Variants in COMMD6 observed in about 807,000 individuals in gnomAD.
The protein encoded by COMMD6 is COMM domain containing 6.
COMMD6 carries 11 observed loss-of-function variants against 13.4 expected under a neutral mutation model. That is an observed-to-expected ratio of 0.82 (90% CI 0.52 to 1.36). The LOEUF (loss-of-function observed/expected upper bound fraction) is 1.36, where lower values mean the gene tolerates loss of function less well. COMMD6 is among the 40% of genes most tolerant of loss of function. The pLI, the probability that COMMD6 is intolerant of heterozygous loss-of-function variation, is 0.00. For missense variants in COMMD6, 124 were observed against 102.4 expected (o/e 1.21, Z -0.91); for synonymous variants, 43 against 36.5 (o/e 1.18, Z -0.64).
At chr13:75,537,968 T>A (rs1051794245), upstream of COMMD6, 2 of 624,066 alleles carry the variant, frequency 3.2e-6, no homozygotes, top group Admixed American at 3.2e-5. Context: ...TAATTCAACA[T>A]ATATCTTAGG....
chr13:75,540,350 A>ACACACC (rs1418733336), upstream of COMMD6, among the ~76,000 whole-genome samples: 4 of 150,212 alleles, frequency 2.7e-5, no homozygotes, highest in Admixed American at 6.6e-5. Context: ...ACACCCACAC[A>ACACACC]CACACACACA....
chr13:75,542,805 A>G (rs894847988), upstream of COMMD6, among the ~76,000 whole-genome samples: 2 of 152,212 alleles, frequency 1.3e-5, no homozygotes, highest in African/African-American at 2.4e-5. Context: ...TGTTAGAGTG[A>G]TAGATTCCAT....
chr13:75,532,564 G>C (rs1023609859), intron 2 of COMMD6, among the ~76,000 whole-genome samples: 1 of 152,204 alleles, frequency 6.6e-6, no homozygotes, highest in Non-Finnish European at 1.5e-5. Flanking sequence ...GGGTGCGGTG[G>C]CTCACGCCTG....
chr13:75,537,540 G>A (rs2030715709), intron 2 of COMMD6, 124 bp downstream of exon 2: 1 of 1,592,624 alleles, frequency 6.3e-7, no homozygotes, highest in Non-Finnish European at 8.6e-7. Context: ...AAGAGGGACG[G>A]CTGAAGGTCA....
chr13:75,544,760 GAAATA>G (rs543689245), intron 1 of COMMD6, among the ~76,000 whole-genome samples: 5 of 151,312 alleles, frequency 3.3e-5, no homozygotes, highest in East Asian at 1.9e-4. Context: ...CTTTGTCTCA[GAAATA>G]AAATAAAATA....
Position 75,525,886 on chromosome 13 carries a change from G to A in COMMD6, c.*703C>T, listed in dbSNP as rs1489896921. The A allele has an allele frequency of 2.6e-5, 4 of 152,312 alleles. No homozygotes were observed. In the East Asian group the frequency reaches 7.7e-4, roughly 29 times the overall value. 9.4% of individuals were successfully genotyped at this position (152,312 alleles called of 1,614,324 possible). A position where few individuals can be genotyped will look rare whatever the true frequency, so the allele number is the denominator to read the frequency against. ...TATAGTATAAAAGCGTTTAACAACA[G>A]GTTTATGTATTTAAATTCAACAGAG... On this transcript the variant is annotated 3_prime_UTR_variant, in exon 4 of 4. Coordinates refer to ENST00000682242, the MANE Select transcript of COMMD6 (RefSeq NM_203495.4).
upstream of COMMD6, among the ~76,000 whole-genome samples, chr13:75,538,226 G>C (rs533982317): frequency 1.3e-5 from 2 of 152,206 alleles, no homozygotes; most frequent in Non-Finnish European, 2.9e-5. Flanking sequence ...GCAAGGGAAG[G>C]CTGTGGGAAC....
intron 2 of COMMD6, among the ~76,000 whole-genome samples, chr13:75,531,070 C>T (rs2030462796): frequency 6.6e-6 from 1 of 152,186 alleles, no homozygotes; most frequent in South Asian, 2.1e-4. Flanking sequence ...ATAGCAGCCA[C>T]TCAAAAAGTA....
chr13:75,533,925 T>A (rs1421328295), intron 2 of COMMD6, among the ~76,000 whole-genome samples: 1 of 152,112 alleles, frequency 6.6e-6, no homozygotes, highest in Non-Finnish European at 1.5e-5. Context: ...AGAGTTTTAA[T>A]TCCAGTTCAA....
intron 2 of COMMD6, 81 bp downstream of exon 2, chr13:75,537,583 G>T: frequency 1.1e-5 from 17 of 1,606,482 alleles, no homozygotes; most frequent in Non-Finnish European, 1.4e-5. Context: ...GGGGAGACCT[G>T]GGGAAGGCTC....
intron 2 of COMMD6, among the ~76,000 whole-genome samples, chr13:75,531,014 C>T (rs181324502): frequency 4.4e-4 from 67 of 152,316 alleles, no homozygotes; most frequent in African/African-American, 1.5e-3. Context: ...ACATAAAACA[C>T]AGGGGTAAAT....
chr13:75,530,333 A>G lies in COMMD6; in HGVS notation c.55-67T>C. 3.1e-6 allele frequency: 4 copies of G among 1,304,478 alleles called. No homozygotes were observed. The Admixed American group carries it at 6.3e-5, about 20-fold the overall frequency. The allele number at this position is 1,304,478 out of a possible 1,614,324, so 80.8% of individuals were successfully genotyped here. On this transcript the variant is annotated intron_variant, in intron 2 of 3. Transcript: ENST00000682242. Reference sequence around the variant, plus strand: ...TACCTGGAATGCAGATATTTATTCAATTTTACTGCAGTTACACTCAACTTT... The same window carrying G: ...TACCTGGAATGCAGATATTTATTCAGTTTTACTGCAGTTACACTCAACTTT...
chr13:75,533,840 G>A (rs549844126), intron 2 of COMMD6, among the ~76,000 whole-genome samples: 2 of 152,296 alleles, frequency 1.3e-5, no homozygotes, highest in South Asian at 4.1e-4. Context: ...GATGATACTA[G>A]GGTTATCTCT....
intron 3 of COMMD6, 51 bp from the exon 4 acceptor site, chr13:75,526,690 A>G (rs1454548032): frequency 7.7e-7 from 1 of 1,298,550 alleles, no homozygotes; most frequent in Non-Finnish European, 1.1e-6. Flanking sequence ...GAAGATATTT[A>G]AGTAGTTATT....
exon 1 of COMMD6, chr13:75,549,397 C>T (rs1466495690): frequency 5.2e-6 from 1 of 192,578 alleles, no homozygotes; most frequent in Non-Finnish European, 1.1e-5. Flanking sequence ...GAATAGGACT[C>T]CGCGGCACGC....
intron 1 of COMMD6, among the ~76,000 whole-genome samples, chr13:75,545,598 G>C (rs551883281): frequency 6.6e-6 from 1 of 151,764 alleles, no homozygotes; most frequent in African/African-American, 2.4e-5. Context: ...TCAGGCTCCC[G>C]AGTAATGGGA....
chr13:75,541,257 T>C (rs187875132), upstream of COMMD6, among the ~76,000 whole-genome samples: 1 of 152,298 alleles, frequency 6.6e-6, no homozygotes, highest in Non-Finnish European at 1.5e-5. Flanking sequence ...CAGAAATTAT[T>C]GTCTCACAGA....
chr13:75,530,859 G>A (rs2030454783), intron 2 of COMMD6, among the ~76,000 whole-genome samples: 1 of 152,312 alleles, frequency 6.6e-6, no homozygotes, highest in Non-Finnish European at 1.5e-5. Context: ...GCCAAAGTCT[G>A]TTTGACTCCA....
chr13:75,537,569 A>G, intron 2 of COMMD6, 95 bp downstream of exon 2: 1 of 1,580,562 alleles, frequency 6.3e-7, no homozygotes, highest in South Asian at 1.1e-5. Flanking sequence ...CGGACACAGG[A>G]CTAGGGGAGA....
Sources: allele counts gnomAD v4.1 joint callset (sites outside exome capture counted in the v4.1 genomes callset), GRCh38; gene constraint gnomAD v4.1.1; transcripts MANE v1.5; gene names NCBI Gene and HGNC (gene_info 2026-07-23, HGNC 2026-07-21).